The following RTL4 variants were observed in gnomAD, a reference collection of about 807,000 sequenced individuals.
RTL4 encodes retrotransposon Gag-like protein 4.
Under a neutral mutation model 5.3 loss-of-function variants are expected in RTL4, and 4 were observed. That is an observed-to-expected ratio of 0.75 (90% CI 0.37 to 1.72). RTL4 has a LOEUF of 1.72. Ranked by LOEUF, RTL4 falls within the 40% of genes most tolerant of loss-of-function variation. RTL4 has a pLI of 0.04. For missense variants in RTL4, 260 were observed against 227.1 expected, an observed-to-expected ratio of 1.14 and a Z score of -0.93; for synonymous variants, 98 against 87.3, an observed-to-expected ratio of 1.12 and a Z score of -0.68.
chrX:112,314,169 C>A, the RTL4 span, among the ~76,000 whole-genome samples: 1 of 111,769 alleles, frequency 8.9e-6, no homozygotes, highest in Non-Finnish European at 1.9e-5. Flanking sequence ...AAGTAACTTG[C>A]CACTCCAAGG....
the RTL4 span, among the ~76,000 whole-genome samples, chrX:112,419,759 A>G: frequency 2.8e-5 from 3 of 106,017 alleles, no homozygotes; most frequent in Non-Finnish European, 3.9e-5. Flanking sequence ...TTTTTGACCC[A>G]TTGTCTTTGT....
chrX:112,372,497 C>A, the RTL4 span, among the ~76,000 whole-genome samples: 1 of 110,930 alleles, frequency 9.0e-6, no homozygotes. Context: ...TATTCCTGTC[C>A]CAGAAGCAGT....
chrX:112,319,124 A>T, the RTL4 span, among the ~76,000 whole-genome samples: 1 of 111,941 alleles, frequency 8.9e-6, no homozygotes, highest in East Asian at 2.8e-4. Context: ...TGACGTTGTA[A>T]TCAGATTCAA....
the RTL4 span, chrX:112,319,849 G>A: frequency 9.0e-6 from 1 of 111,702 alleles, no homozygotes; most frequent in Non-Finnish European, 1.9e-5. Flanking sequence ...GTATTCTCTT[G>A]TATAGGAGTC....
At chrX:112,414,959 G>A in the RTL4 span, among the ~76,000 whole-genome samples, 112 of 111,032 alleles carry the variant, frequency 1.0e-3, no homozygotes, top group African/African-American at 2.6e-3. Context: ...AGATTTTTCC[G>A]CACTAGCTAT....
chrX:112,228,817 T>A, the RTL4 span, among the ~76,000 whole-genome samples: 1 of 111,823 alleles, frequency 8.9e-6, no homozygotes, highest in African/African-American at 3.3e-5. Context: ...TTTCAGTTAG[T>A]GAGATGTGTT....
At chrX:112,426,732 C>G in the RTL4 span, among the ~76,000 whole-genome samples, 2 of 110,620 alleles carry the variant, frequency 1.8e-5, no homozygotes, top group African/African-American at 6.5e-5. Context: ...GATCATATCA[C>G]CTGCAAAAAA....
chrX:112,424,557 C>A, the RTL4 span, among the ~76,000 whole-genome samples: 2 of 111,152 alleles, frequency 1.8e-5, no homozygotes, highest in Admixed American at 9.6e-5. Flanking sequence ...GCTAAGGTTG[C>A]AACTAATCTG....
the RTL4 span, among the ~76,000 whole-genome samples, chrX:112,376,012 T>G: frequency 1.5e-4 from 17 of 111,626 alleles, no homozygotes; most frequent in South Asian, 1.5e-3. Flanking sequence ...TAAGAAGTCA[T>G]AATACCTGGC....
chrX:112,310,388 A>ATC, the RTL4 span, among the ~76,000 whole-genome samples: 1 of 52,324 alleles, frequency 1.9e-5, no homozygotes, highest in South Asian at 1.2e-3. Context: ...ATATATATAT[A>ATC]TATATATATA....
chrX:112,149,641 T>C, the RTL4 span, among the ~76,000 whole-genome samples: 1 of 112,296 alleles, frequency 8.9e-6, no homozygotes, highest in East Asian at 2.8e-4. Context: ...TTGAACCCTT[T>C]GCTCATCATT....
At chrX:112,389,941 G>A in the RTL4 span, among the ~76,000 whole-genome samples, 1 of 101,636 alleles carries the variant, frequency 9.8e-6, no homozygotes, top group Non-Finnish European at 2.0e-5. Flanking sequence ...TTGAGATCAG[G>A]TGCTGAATAT....
At chrX:112,282,939 ACTTTTT>A in the RTL4 span, among the ~76,000 whole-genome samples, 1 of 111,575 alleles carries the variant, frequency 9.0e-6, no homozygotes, top group Non-Finnish European at 1.9e-5. Context: ...AAACTTTGAT[ACTTTTT>A]TAAATAGAAA....
the RTL4 span, among the ~76,000 whole-genome samples, chrX:112,330,852 G>A: frequency 2.9e-4 from 31 of 107,840 alleles, no homozygotes; most frequent in East Asian, 1.4e-3. Context: ...AAATAACACC[G>A]CATATCTACA....
the RTL4 span, among the ~76,000 whole-genome samples, chrX:112,140,286 A>G: frequency 9.0e-6 from 1 of 111,583 alleles, no homozygotes; most frequent in Non-Finnish European, 1.9e-5. Flanking sequence ...TTCTCCAAGT[A>G]TCCCTGGTTC....
the RTL4 span, among the ~76,000 whole-genome samples, chrX:112,236,749 A>AT: frequency 1.8e-5 from 2 of 109,415 alleles, no homozygotes; most frequent in Admixed American, 2.0e-4. Context: ...TAAGCAGAAT[A>AT]ATGCCTCAGT....
At chrX:112,252,102 A>G in the RTL4 span, among the ~76,000 whole-genome samples, 1 of 112,110 alleles carries the variant, frequency 8.9e-6, no homozygotes, top group Non-Finnish European at 1.9e-5. Flanking sequence ...ATCAAAGATA[A>G]ACACGACATC....
the RTL4 span, among the ~76,000 whole-genome samples, chrX:112,212,329 A>AT: frequency 4.5e-5 from 5 of 111,594 alleles, no homozygotes; most frequent in African/African-American, 6.5e-5. Context: ...GTGAGCCGAG[A>AT]CGCGCCACTG....
chrX:112,286,854 A>C, the RTL4 span, among the ~76,000 whole-genome samples: 1 of 111,774 alleles, frequency 8.9e-6, no homozygotes, highest in South Asian at 3.7e-4. Context: ...GACTATTTTC[A>C]AGGAAACTAA....
Sources: allele counts gnomAD v4.1 joint callset (sites outside exome capture counted in the v4.1 genomes callset), GRCh38; gene constraint gnomAD v4.1.1; transcripts MANE v1.5; gene names NCBI Gene and HGNC (gene_info 2026-07-23, HGNC 2026-07-21).